MGAT4C: variants seen among roughly 807,000 people sequenced by gnomAD.
The protein encoded by MGAT4C is MGAT4 family member C.
In MGAT4C, 19 loss-of-function variants were observed where a neutral mutation model predicts 40.1. The observed-to-expected ratio is 0.47, with a 90% CI of 0.33 to 0.70. The LOEUF (loss-of-function observed/expected upper bound fraction) is 0.70. MGAT4C is among the 30% of genes least tolerant of loss of function. MGAT4C has a pLI of 0.02. For missense variants in MGAT4C, 491 were observed against 563.2 expected (o/e 0.87, Z 1.30); for synonymous variants, 181 against 187.1 (o/e 0.97, Z 0.27).
intron 1 of MGAT4C, among the ~76,000 whole-genome samples, chr12:86,204,192 A>G (rs930824097): frequency 6.6e-6 from 1 of 151,858 alleles, no homozygotes; most frequent in Non-Finnish European, 1.5e-5. Context: ...ATTCTAAAAA[A>G]CTTTGAAGAT....
chr12:86,684,476 G>C (rs1321154373), intron 2 of MGAT4C, among the ~76,000 whole-genome samples: 2 of 152,168 alleles, frequency 1.3e-5, no homozygotes, highest in Non-Finnish European at 2.9e-5. Context: ...CAGGTAAATA[G>C]TGCTGGAATA....
chr12:86,226,252 G>A (rs1593285076), intron 1 of MGAT4C, among the ~76,000 whole-genome samples: 1 of 151,988 alleles, frequency 6.6e-6, no homozygotes, highest in African/African-American at 2.4e-5. Context: ...GAGGTAGGAA[G>A]AATGATTAAA....
chr12:86,051,366 G>T (rs957687046), intron 1 of MGAT4C, among the ~76,000 whole-genome samples: 1 of 151,854 alleles, frequency 6.6e-6, no homozygotes, highest in Non-Finnish European at 1.5e-5. Context: ...ATTCATCTTT[G>T]TATGGCTATC....
At chr12:86,659,619 C>A (rs1015356498) in intron 2 of MGAT4C, among the ~76,000 whole-genome samples, 2 of 151,768 alleles carry the variant, frequency 1.3e-5, no homozygotes, top group African/African-American at 4.8e-5. Context: ...TAAGAAGCAG[C>A]CAGAAGTACA....
chr12:86,562,607 C>G (rs572592978), intron 2 of MGAT4C, among the ~76,000 whole-genome samples: 10 of 152,090 alleles, frequency 6.6e-5, no homozygotes, highest in Non-Finnish European at 8.8e-5. Flanking sequence ...AATGCTGATT[C>G]TCCTCAGAAC....
intron 4 of MGAT4C, among the ~76,000 whole-genome samples, chr12:86,284,113 A>G (rs1317757933): frequency 1.3e-5 from 2 of 152,072 alleles, no homozygotes; most frequent in East Asian, 3.9e-4. Flanking sequence ...GTTTTTGTGA[A>G]TAAAGCATAA....
chr12:86,700,129 GTAGA>G lies in MGAT4C; in HGVS notation c.-229+27076_-229+27079del, dbSNP rs1249426957. ...GATGATAGATAGGTAGATAGATAATGTAGATAGATAGACAGACAGACAGACAGAC... is the reference window on the plus strand; with the variant it reads ...GATGATAGATAGGTAGATAGATAATGTAGATAGACAGACAGACAGACAGAC... On this transcript the variant is annotated intron_variant, in intron 2 of 7. Transcript: ENST00000548651. Among the ~76,000 whole-genome samples the G allele has an allele frequency of 1.9e-3, 282 of 146,074 alleles. 3 individuals are homozygous for G. The highest frequency in any genetic ancestry group is 7.0e-3 in the African/African-American group (271 of 38,978).
At chr12:86,585,027 A>T (rs1960953993) in intron 2 of MGAT4C, among the ~76,000 whole-genome samples, 1 of 151,462 alleles carries the variant, frequency 6.6e-6, no homozygotes, top group Non-Finnish European at 1.5e-5. Flanking sequence ...ATGACATTAG[A>T]GTATGGTTCA....
intron 2 of MGAT4C, among the ~76,000 whole-genome samples, chr12:86,704,870 T>G (rs1461274864): frequency 6.6e-6 from 1 of 152,158 alleles, no homozygotes; most frequent in Non-Finnish European, 1.5e-5. Flanking sequence ...CATGTCACTG[T>G]CATAAATATT....
chr12:86,687,900 G>A (rs1950102026), intron 2 of MGAT4C, among the ~76,000 whole-genome samples: 1 of 152,070 alleles, frequency 6.6e-6, no homozygotes, highest in African/African-American at 2.4e-5. Context: ...TTAATTTTCT[G>A]TATTGTTGAT....
intron 1 of MGAT4C, among the ~76,000 whole-genome samples, chr12:86,220,312 C>T (rs567467944): frequency 4.6e-5 from 7 of 152,146 alleles, no homozygotes; most frequent in African/African-American, 1.4e-4. Flanking sequence ...TGTGTTTTCA[C>T]GTATACATGG....
intron 3 of MGAT4C, among the ~76,000 whole-genome samples, chr12:86,392,576 AAAG>A (rs1956178344): frequency 6.6e-6 from 1 of 152,190 alleles, no homozygotes; most frequent in Non-Finnish European, 1.5e-5. Context: ...ATAAAACCAA[AAAG>A]AAGGATATTT....
At chr12:86,393,336 TA>T (rs992575339) in intron 3 of MGAT4C, among the ~76,000 whole-genome samples, 2 of 151,998 alleles carry the variant, frequency 1.3e-5, no homozygotes, top group East Asian at 1.9e-4. Context: ...CCACATGATG[TA>T]AAAAAAAGAT....
At chr12:86,429,465 C>T (rs1956991922) in intron 3 of MGAT4C, among the ~76,000 whole-genome samples, 1 of 152,162 alleles carries the variant, frequency 6.6e-6, no homozygotes, top group African/African-American at 2.4e-5. Context: ...TTGTTTATCT[C>T]TGTTAGGACC....
At chr12:86,541,988 C>A (rs1429476863) in intron 2 of MGAT4C, among the ~76,000 whole-genome samples, 1 of 152,116 alleles carries the variant, frequency 6.6e-6, no homozygotes, top group East Asian at 1.9e-4. Flanking sequence ...AATTAATATT[C>A]TTTAACAAAA....
chr12:86,018,700 A>T (rs1001882633), intron 2 of MGAT4C, among the ~76,000 whole-genome samples: 4 of 152,146 alleles, frequency 2.6e-5, no homozygotes, highest in African/African-American at 9.7e-5. Flanking sequence ...TTACAGTCCC[A>T]AGTTGTATGT....
intron 2 of MGAT4C, among the ~76,000 whole-genome samples, chr12:86,668,532 C>T (rs933781158): frequency 3.9e-5 from 6 of 152,146 alleles, no homozygotes; most frequent in African/African-American, 1.4e-4. Context: ...TTTCCCAGAC[C>T]GTGGACCAAG....
chr12:85,961,620 C>G lies in MGAT4C; in HGVS notation c.*17669G>C, dbSNP rs1883115626. Reference sequence around the variant, plus strand: ...TGCTTGTCACTATATAAACTTCACCCTAAGGAAATTTCCATGTCAGATACA... The same window carrying G: ...TGCTTGTCACTATATAAACTTCACCGTAAGGAAATTTCCATGTCAGATACA... On this transcript the variant is annotated 3_prime_UTR_variant, in exon 5 of 5. Transcript: ENST00000611864. 1 of 151,650 alleles carries G rather than the reference C, an allele frequency of 6.6e-6. No individual in the cohort carries two copies. The highest frequency in any genetic ancestry group is 2.1e-4 in the South Asian group (1 of 4,828). 9.4% of individuals were successfully genotyped at this position (151,650 alleles called of 1,614,324 possible). A position where few individuals can be genotyped will look rare whatever the true frequency, so the allele number is the denominator to read the frequency against.
chr12:86,419,589 C>T (rs2405797), intron 3 of MGAT4C, among the ~76,000 whole-genome samples: 128,480 of 152,056 alleles, frequency 0.84, 54,359 homozygotes, highest in East Asian at 0.95. Flanking sequence ...AAGCATGACA[C>T]TTTAGTCTTA....
Sources: gnomAD v4.1 joint callset for allele counts (sites outside exome capture counted in the v4.1 genomes callset) on GRCh38, gnomAD v4.1.1 for gene constraint, MANE v1.5 for transcripts, NCBI Gene and HGNC (gene_info 2026-07-23, HGNC 2026-07-21) for gene names.